ZNF704: variants seen among roughly 807,000 people sequenced by gnomAD.
ZNF704 encodes the protein glucocorticoid induced gene 1.
A neutral mutation model predicts 44.7 loss-of-function variants in ZNF704; 10 were observed. The ratio of observed to expected loss-of-function variants is 0.22; its 90% CI spans 0.14 to 0.38. The LOEUF (loss-of-function observed/expected upper bound fraction) is 0.38, where lower values mean the gene tolerates loss of function less well. Ranked by LOEUF, ZNF704 falls within the 10% of genes least tolerant of loss-of-function variation. The pLI is 1.00. For missense variants in ZNF704, 390 were observed against 545.5 expected (o/e 0.71, Z 2.84); for synonymous variants, 211 against 207.6 (o/e 1.02, Z -0.14).
chr8:80,828,970 A>T (rs1808424155), intron 1 of ZNF704, among the ~76,000 whole-genome samples: 1 of 152,170 alleles, frequency 6.6e-6, no homozygotes, highest in Non-Finnish European at 1.5e-5. Flanking sequence ...AGAAAAGAAG[A>T]TTCTCTTCCC....
chr8:80,729,517 C>T (rs991242924), intron 2 of ZNF704, among the ~76,000 whole-genome samples: 1 of 152,158 alleles, frequency 6.6e-6, no homozygotes, highest in African/African-American at 2.4e-5. Context: ...TCCCCTCCAC[C>T]ACAGCTGAAA....
At chr8:80,756,388 C>T (rs1196151679) in intron 2 of ZNF704, among the ~76,000 whole-genome samples, 1 of 152,168 alleles carries the variant, frequency 6.6e-6, no homozygotes, top group African/African-American at 2.4e-5. Context: ...TTCATCTTAT[C>T]TTCACATCAA....
chr8:80,794,455 C>A (rs1229797390), intron 2 of ZNF704, among the ~76,000 whole-genome samples: 1 of 152,068 alleles, frequency 6.6e-6, no homozygotes, highest in Non-Finnish European at 1.5e-5. Flanking sequence ...AAAAATCTTT[C>A]CAGGAAACAG....
At chr8:80,798,534 C>T (rs978930363) in intron 2 of ZNF704, among the ~76,000 whole-genome samples, 3 of 152,278 alleles carry the variant, frequency 2.0e-5, no homozygotes, top group South Asian at 2.1e-4. Flanking sequence ...GGATTATAGG[C>T]GTGAGCCACG....
At chr8:80,749,904 G>A (rs1039550992) in intron 2 of ZNF704, among the ~76,000 whole-genome samples, 11 of 152,164 alleles carry the variant, frequency 7.2e-5, no homozygotes, top group African/African-American at 2.7e-4. Context: ...TACCAGAGGT[G>A]ACTTAGGCTT....
chr8:80,714,402 G>A (rs78425848), intron 2 of ZNF704, among the ~76,000 whole-genome samples: 1,841 of 152,178 alleles, frequency 0.012, 16 homozygotes, highest in Middle Eastern at 0.02. Flanking sequence ...ACTCTTTTTC[G>A]AAAGTTCATT....
intron 2 of ZNF704, among the ~76,000 whole-genome samples, chr8:80,777,817 T>C (rs1807440556): frequency 6.6e-6 from 1 of 150,912 alleles, no homozygotes; most frequent in Non-Finnish European, 1.5e-5. Flanking sequence ...AGGCAGAGGT[T>C]GCATTGAGCC....
intron 2 of ZNF704, among the ~76,000 whole-genome samples, chr8:80,707,884 G>C: frequency 6.6e-6 from 1 of 152,202 alleles, no homozygotes. Context: ...GCTTTACGCA[G>C]AATTCCTTGC....
At chr8:80,782,960 G>A (rs893200970) in intron 2 of ZNF704, among the ~76,000 whole-genome samples, 1 of 152,128 alleles carries the variant, frequency 6.6e-6, no homozygotes, top group African/African-American at 2.4e-5. Context: ...CATATTAGTG[G>A]ATCTGAGCTG....
At chr8:80,824,391 GAAAC>G (rs1349024921) in intron 1 of ZNF704, among the ~76,000 whole-genome samples, 1 of 152,142 alleles carries the variant, frequency 6.6e-6, no homozygotes, top group African/African-American at 2.4e-5. Flanking sequence ...AGAGTAAAAA[GAAAC>G]AAACAAAGCC....
the ZNF704 span, among the ~76,000 whole-genome samples, chr8:80,881,211 G>A: frequency 2.6e-5 from 4 of 152,220 alleles, no homozygotes; most frequent in Admixed American, 6.5e-5. Context: ...GGAATACAGA[G>A]AGGATACTTA....
intron 1 of ZNF704, among the ~76,000 whole-genome samples, chr8:80,870,682 C>A (rs969279840): frequency 1.8e-4 from 28 of 152,166 alleles, no homozygotes; most frequent in Non-Finnish European, 2.9e-4. Context: ...TACACCCAAA[C>A]TTAAATAGTG....
chr8:80,862,980 C>G (rs1246119295), intron 1 of ZNF704, among the ~76,000 whole-genome samples: 1 of 151,784 alleles, frequency 6.6e-6, no homozygotes. Flanking sequence ...GTCACCTCCT[C>G]TTTCCCACAC....
upstream of ZNF704, among the ~76,000 whole-genome samples, chr8:80,876,250 G>A (rs1809354972): frequency 6.6e-6 from 1 of 152,206 alleles, no homozygotes; most frequent in East Asian, 1.9e-4. Flanking sequence ...TTCTGTTCAG[G>A]AATTCAGAGA....
chr8:80,884,193 A>G, the ZNF704 span, among the ~76,000 whole-genome samples: 11 of 152,024 alleles, frequency 7.2e-5, no homozygotes, highest in Non-Finnish European at 1.2e-4. Context: ...TCCTTAAACC[A>G]TTGTAGATAT....
intron 2 of ZNF704, among the ~76,000 whole-genome samples, chr8:80,811,287 T>C (rs1193396696): frequency 1.3e-5 from 2 of 152,228 alleles, no homozygotes; most frequent in South Asian, 2.1e-4. Context: ...ATATTTAAGA[T>C]ACATTGGGTT....
intron 4 of ZNF704, among the ~76,000 whole-genome samples, chr8:80,676,696 G>C (rs756618966): frequency 1.3e-5 from 2 of 152,210 alleles, no homozygotes; most frequent in African/African-American, 4.8e-5. Context: ...TTTGGCACCA[G>C]GACCGGTTTC....
At chr8:80,740,806 C>T (rs1806743567) in intron 2 of ZNF704, among the ~76,000 whole-genome samples, 1 of 152,188 alleles carries the variant, frequency 6.6e-6, no homozygotes, top group African/African-American at 2.4e-5. Context: ...CAGGGATAGC[C>T]CCCATCTATT....
chr8:80,814,591 C>G (rs986725710), intron 2 of ZNF704, among the ~76,000 whole-genome samples: 1 of 152,146 alleles, frequency 6.6e-6, no homozygotes, highest in African/African-American at 2.4e-5. Flanking sequence ...TGCTTCAGTT[C>G]TTAAGGGGAG....
Sources: allele counts gnomAD v4.1 joint callset (sites outside exome capture counted in the v4.1 genomes callset), GRCh38; gene constraint gnomAD v4.1.1; transcripts MANE v1.5; gene names NCBI Gene and HGNC (gene_info 2026-07-23, HGNC 2026-07-21).